The following HDAC5 variants were observed in gnomAD, a reference collection of about 807,000 sequenced individuals.
The protein encoded by HDAC5 is histone deacetylase 5, also known as antigen NY-CO-9.
Under a neutral mutation model 133.3 loss-of-function variants are expected in HDAC5, and 25 were observed. The observed-to-expected ratio is 0.19, with a 90% CI of 0.14 to 0.26. The LOEUF (loss-of-function observed/expected upper bound fraction) is 0.26, where lower values mean the gene tolerates loss of function less well. Among genes scored for constraint, HDAC5 ranks in the 10% least tolerant of loss-of-function variants. HDAC5 has a pLI of 1.00. For synonymous variants in HDAC5, 589 were observed against 610.8 expected (o/e 0.96, Z 0.53); for missense variants, 1,041 against 1,460.5 (o/e 0.71, Z 4.68).
chr17:44,100,389 A>C (rs1013664216), intron 3 of HDAC5, among the ~76,000 whole-genome samples: 1 of 152,000 alleles, frequency 6.6e-6, no homozygotes, highest in African/African-American at 2.4e-5. Flanking sequence ...CCTGCCTGGC[A>C]GACCCAAGAG....
rs2052704134 is a variant in HDAC5 at position 44,117,266 on chromosome 17, G to C, written c.22+228C>G. ...CCCCTAAGTTGAGAGGGCAAGCATG[G>C]GGGGCAGAGTAGGACCCATTGCCTT... On this transcript the variant is annotated intron_variant, in intron 2 of 26. Transcript: ENST00000682912. The surrounding 1 kb of genome is among the most constrained non-coding windows in gnomAD (Gnocchi z 4.2). Among the ~76,000 whole-genome samples the C allele has an allele frequency of 6.6e-6, 1 of 152,208 alleles. No homozygotes were observed. Among genetic ancestry groups the C allele is most frequent in the South Asian group, 2.1e-4 (1 of 4,830 alleles).
intron 2 of HDAC5, among the ~76,000 whole-genome samples, chr17:44,115,602 G>A (rs1317827873): frequency 6.6e-6 from 1 of 152,176 alleles, no homozygotes; most frequent in Non-Finnish European, 1.5e-5. Flanking sequence ...GCCCAGGGCA[G>A]CTGGAACCCC....
chr17:44,113,449 AG>A (rs1328372452), intron 2 of HDAC5, among the ~76,000 whole-genome samples: 1 of 152,214 alleles, frequency 6.6e-6, no homozygotes, highest in African/African-American at 2.4e-5. Context: ...GCAATAAGAG[AG>A]GAGATCTGGG....
At chr17:44,094,325 A>G (rs80305681) in intron 3 of HDAC5, among the ~76,000 whole-genome samples, 4 of 143,842 alleles carry the variant, frequency 2.8e-5, no homozygotes, top group Admixed American at 1.4e-4. Context: ...CTGTCTCCAG[A>G]AAAAAAAAAA....
At chr17:44,114,506 C>G (rs1055591592) in intron 2 of HDAC5, among the ~76,000 whole-genome samples, 1 of 152,018 alleles carries the variant, frequency 6.6e-6, no homozygotes, top group Admixed American at 6.5e-5. Context: ...TTCTGGGAGG[C>G]GCTGGGCAGG....
rs200334280 is a variant in HDAC5 at position 44,078,140 on chromosome 17, G to A, written c.*236C>T. The A allele has an allele frequency of 3.1e-5, 13 of 424,276 alleles. No individual in the cohort carries two copies. In the East Asian group the frequency reaches 4.3e-4, roughly 14 times the overall value. The allele number at this position is 424,276 out of a possible 1,614,324, so 26.3% of individuals were successfully genotyped here. ...ACAGACAGAATGCAGGAAAATGGGG[G>A]GAGGGACACATGGGACAGGGCTGGG... On this transcript the variant is annotated 3_prime_UTR_variant, in exon 27 of 27. Coordinates refer to ENST00000682912, the MANE Select transcript of HDAC5 (RefSeq NM_005474.5).
At chr17:44,097,305 C>A (rs933475894) in intron 3 of HDAC5, among the ~76,000 whole-genome samples, 1 of 152,250 alleles carries the variant, frequency 6.6e-6, no homozygotes, top group Non-Finnish European at 1.5e-5. Context: ...TCTTCTCCCC[C>A]AGGCATGGTT....
intron 13 of HDAC5, 61 bp from the exon 14 acceptor site, chr17:44,086,798 G>A: frequency 1.6e-6 from 2 of 1,223,084 alleles, no homozygotes; most frequent in East Asian, 3.0e-5. Flanking sequence ...GTGAGGGCAG[G>A]CCCTGTCAGG....
At chr17:44,103,113 T>C (rs760542439) in intron 3 of HDAC5, among the ~76,000 whole-genome samples, 3 of 152,050 alleles carry the variant, frequency 2.0e-5, no homozygotes, top group African/African-American at 4.8e-5. Flanking sequence ...CTCTTGGAGA[T>C]TGGGGAAAAG....
intron 14 of HDAC5, chr17:44,085,435 A>G (rs1597943642): frequency 3.7e-6 from 1 of 268,926 alleles, no homozygotes; most frequent in East Asian, 6.5e-5. Flanking sequence ...TGCCCCCACC[A>G]CCCTGGGCTC....
chr17:44,119,681 A>G (rs1341350844), intron 1 of HDAC5, among the ~76,000 whole-genome samples: 1 of 152,252 alleles, frequency 6.6e-6, no homozygotes, highest in Non-Finnish European at 1.5e-5. Context: ...CCAGAGCCAC[A>G]GGCTGAGCCT....
chr17:44,117,453 A>G lies in HDAC5; in HGVS notation c.22+41T>C. 1 of 1,612,598 alleles carries G rather than the reference A, an allele frequency of 6.2e-7. No homozygotes were observed. The highest frequency in any genetic ancestry group is 8.5e-7 in the Non-Finnish European group (1 of 1,178,634). On this transcript the variant is annotated intron_variant, in intron 2 of 26. Transcript: ENST00000682912. This position sits in a 1 kb window ranked among gnomAD's most constrained non-coding sequence, Gnocchi z 4.2. The stretch of plus-strand genomic sequence containing the variant: ...AACCCACACAGCCCATTGCATCCGA[A>G]GCTACCCCAGGGTGCTCTTCTCCAA...
At chr17:44,119,129 G>C (rs2052831496) in intron 1 of HDAC5, among the ~76,000 whole-genome samples, 2 of 152,220 alleles carry the variant, frequency 1.3e-5, no homozygotes, top group African/African-American at 4.8e-5. Context: ...ACGGGCACAG[G>C]TATGGGATTA....
intron 20 of HDAC5, chr17:44,082,346 G>A (rs2050434821): frequency 3.6e-6 from 2 of 556,490 alleles, no homozygotes; most frequent in Admixed American, 3.2e-5. Context: ...TGCAACGTGA[G>A]GGCCAAGATG....
At chr17:44,120,680 G>A (rs2052933264) in intron 1 of HDAC5, 1 of 151,868 alleles carries the variant, frequency 6.6e-6, no homozygotes, top group African/African-American at 2.4e-5. Context: ...AGACAGAGGT[G>A]CGGTGAGCCA....
chr17:44,093,744 G>GC lies in HDAC5; in HGVS notation c.184dup (p.Ala62GlyfsTer36). 1 of 1,602,314 alleles carries GC rather than the reference G, an allele frequency of 6.2e-7. No individual in the cohort carries two copies. The highest frequency in any genetic ancestry group is 8.5e-7 in the Non-Finnish European group (1 of 1,174,358). On this transcript the variant is annotated frameshift_variant, in exon 4 of 27. Transcript: ENST00000682912. LOFTEE classifies it high-confidence loss of function. ...TGTGGGGTCCACAGAGCCCACCAGA[G>GC]CCCCCCGTAGCTCCACAGGGCTGGG...
intron 3 of HDAC5, among the ~76,000 whole-genome samples, chr17:44,095,113 T>C (rs1214797714): frequency 6.6e-6 from 1 of 152,154 alleles, no homozygotes; most frequent in East Asian, 1.9e-4. Context: ...AATATTATCA[T>C]TGATAGTCAA....
Position 44,078,274 on chromosome 17 carries a change from G to T in HDAC5, c.*102C>A. On this transcript the variant is annotated 3_prime_UTR_variant, in exon 27 of 27. Transcript: ENST00000682912. ...AGGAGCAGGAGGGGCAAGGCTGAGA[G>T]ACCCACACGGCACACCTTGTTGAAT... The T allele has an allele frequency of 7.9e-7, 1 of 1,267,490 alleles. No individual in the cohort carries two copies. Among genetic ancestry groups the T allele is most frequent in the Non-Finnish European group, 1.1e-6 (1 of 940,184 alleles). 78.5% of individuals were successfully genotyped at this position (1,267,490 alleles called of 1,614,324 possible).
intron 20 of HDAC5, 41 bp downstream of exon 20, chr17:44,082,544 C>T: frequency 6.6e-7 from 1 of 1,505,496 alleles, no homozygotes; most frequent in South Asian, 1.1e-5. Flanking sequence ...CTGGTCCTAG[C>T]TCTACCCGCC....
Sources: allele counts gnomAD v4.1 joint callset (sites outside exome capture counted in the v4.1 genomes callset), GRCh38; gene constraint gnomAD v4.1.1; non-coding constraint Gnocchi (gnomAD v3.1); transcripts MANE v1.5; gene names NCBI Gene and HGNC (gene_info 2026-07-23, HGNC 2026-07-21).